The following NTM variants were observed in gnomAD, a reference collection of about 807,000 sequenced individuals.
NTM encodes neurotrimin, also known as IgLON family member 2.
In NTM, 13 loss-of-function variants were observed where a neutral mutation model predicts 42.1. The observed-to-expected ratio is 0.31, with a 90% CI of 0.20 to 0.49. NTM has a LOEUF of 0.49. Ranked by LOEUF, NTM falls within the 20% of genes least tolerant of loss-of-function variation. NTM has a pLI of 0.99. For synonymous variants in NTM, 187 were observed against 179.2 expected (o/e 1.04, Z -0.35); for missense variants, 373 against 452.8 (o/e 0.82, Z 1.60).
chr11:132,102,192 A>G (rs2061704971), intron 2 of NTM, among the ~76,000 whole-genome samples: 2 of 152,238 alleles, frequency 1.3e-5, no homozygotes, highest in Admixed American at 6.5e-5. Context: ...CTCCCAAAGT[A>G]TCCGAACTAT....
At chr11:132,031,794 A>G (rs1268324451) in intron 2 of NTM, among the ~76,000 whole-genome samples, 1 of 152,126 alleles carries the variant, frequency 6.6e-6, no homozygotes, top group Non-Finnish European at 1.5e-5. Flanking sequence ...CATGTCTTGG[A>G]TGTTGAAAAT....
At chr11:132,244,933 T>C (rs2090853224) in intron 4 of NTM, among the ~76,000 whole-genome samples, 1 of 152,162 alleles carries the variant, frequency 6.6e-6, no homozygotes, top group African/African-American at 2.4e-5. Flanking sequence ...GTTTCATTAT[T>C]AATATACTTC....
intron 1 of NTM, among the ~76,000 whole-genome samples, chr11:131,431,554 C>T (rs1016743652): frequency 2.6e-5 from 4 of 152,200 alleles, no homozygotes; most frequent in East Asian, 1.9e-4. Flanking sequence ...ACCTGCTTCC[C>T]TCCACAAGGA....
chr11:131,931,162 C>T (rs1374426175), intron 2 of NTM, among the ~76,000 whole-genome samples: 2 of 151,952 alleles, frequency 1.3e-5, no homozygotes, highest in Admixed American at 6.6e-5. Context: ...AAAATAGGTT[C>T]CTAGGCCAGG....
At chr11:131,799,396 A>G (rs1477686874) in intron 1 of NTM, among the ~76,000 whole-genome samples, 8 of 152,224 alleles carry the variant, frequency 5.3e-5, no homozygotes, top group Non-Finnish European at 1.0e-4. Flanking sequence ...CATTGAATCA[A>G]GAAGGCATAT....
chr11:131,507,687 G>A (rs1316916644), intron 1 of NTM, among the ~76,000 whole-genome samples: 6 of 147,896 alleles, frequency 4.1e-5, no homozygotes, highest in Non-Finnish European at 7.4e-5. Flanking sequence ...TCCTACCCAT[G>A]AGCATGGAAT....
intron 1 of NTM, among the ~76,000 whole-genome samples, chr11:131,691,657 T>C (rs533134395): frequency 1.3e-5 from 2 of 152,090 alleles, no homozygotes; most frequent in South Asian, 4.1e-4. Flanking sequence ...CGGGTAAAGA[T>C]GGCAACCCCA....
chr11:132,018,422 T>G (rs1386864938), intron 2 of NTM, among the ~76,000 whole-genome samples: 1 of 152,050 alleles, frequency 6.6e-6, no homozygotes, highest in South Asian at 2.1e-4. Context: ...AAATTTTTAT[T>G]GTTCATTTTA....
intron 1 of NTM, among the ~76,000 whole-genome samples, chr11:131,397,093 T>C (rs1303261274): frequency 1.3e-5 from 2 of 152,212 alleles, no homozygotes; most frequent in Non-Finnish European, 2.9e-5. Flanking sequence ...ATTTTTCTTG[T>C]CTTGTCAAGT....
At chr11:131,513,955 C>T (rs573805707) in intron 1 of NTM, among the ~76,000 whole-genome samples, 33 of 152,114 alleles carry the variant, frequency 2.2e-4, no homozygotes, top group Non-Finnish European at 1.9e-4. Flanking sequence ...CTGACAGAAG[C>T]ATGCTCTGTG....
chr11:132,142,596 C>G (rs772252944), intron 2 of NTM, among the ~76,000 whole-genome samples: 7 of 152,150 alleles, frequency 4.6e-5, no homozygotes, highest in Admixed American at 2.0e-4. Flanking sequence ...ACAGAGTTGG[C>G]TGCCGAGGTA....
intron 1 of NTM, among the ~76,000 whole-genome samples, chr11:131,531,311 T>C (rs1206314418): frequency 1.3e-5 from 2 of 152,068 alleles, no homozygotes; most frequent in Non-Finnish European, 2.9e-5. Context: ...GCTAATTTTT[T>C]TTGGGGGGGA....
intron 3 of NTM, among the ~76,000 whole-genome samples, chr11:132,160,085 T>C (rs551551374): frequency 6.6e-6 from 1 of 152,334 alleles, no homozygotes; most frequent in South Asian, 2.1e-4. Context: ...CACCTTGTTT[T>C]TCTAAAGAGT....
At chr11:132,036,185 G>T (rs1024670625) in intron 2 of NTM, among the ~76,000 whole-genome samples, 1 of 152,128 alleles carries the variant, frequency 6.6e-6, no homozygotes, top group Admixed American at 6.5e-5. Flanking sequence ...TAGGGAGGAA[G>T]GACAGAAACG....
In NTM at chr11:131,432,839, C is replaced by CTTTTTTT. The variant is rs377739708; in HGVS notation, c.82+61977_82+61983dup. 1.0e-3 allele frequency among the ~76,000 whole-genome samples: 72 copies of CTTTTTTT among 68,702 alleles called. 2 individuals are homozygous for CTTTTTTT. Among genetic ancestry groups the CTTTTTTT allele is most frequent in the Non-Finnish European group, 1.2e-3 (46 of 38,810 alleles). 45.1% of individuals were successfully genotyped at this position (68,702 alleles called of 152,430 possible). On this transcript the variant is annotated intron_variant, in intron 1 of 8. Transcript: ENST00000683400. The stretch of plus-strand genomic sequence containing the variant: ...CTACAAAAGATGAAGATTTAGCATT[C>CTTTTTTT]TTTTTTTTTTTTTTTTTTTTTTTTT...
At chr11:132,256,564 CT>C (rs2092485062) in intron 4 of NTM, among the ~76,000 whole-genome samples, 1 of 152,134 alleles carries the variant, frequency 6.6e-6, no homozygotes, top group Non-Finnish European at 1.5e-5. Flanking sequence ...TCTCCAGGTC[CT>C]TTTTCCACCA....
chr11:132,182,736 T>C (rs529032531), intron 3 of NTM, among the ~76,000 whole-genome samples: 11 of 152,296 alleles, frequency 7.2e-5, no homozygotes, highest in African/African-American at 2.6e-4. Context: ...CCTTGGATGG[T>C]CCTCATTTCC....
chr11:132,087,400 G>C (rs555945616), intron 2 of NTM, among the ~76,000 whole-genome samples: 3 of 152,278 alleles, frequency 2.0e-5, no homozygotes, highest in African/African-American at 7.2e-5. Context: ...CCTACATTGT[G>C]CCTTTTAACT....
intron 2 of NTM, among the ~76,000 whole-genome samples, chr11:132,026,918 TC>T (rs2075266652): frequency 6.6e-6 from 1 of 152,222 alleles, no homozygotes; most frequent in South Asian, 2.1e-4. Flanking sequence ...ATCCTCATGT[TC>T]CTTCTGTCCT....
Sources: allele counts gnomAD v4.1 joint callset (sites outside exome capture counted in the v4.1 genomes callset), GRCh38; gene constraint gnomAD v4.1.1; transcripts MANE v1.5; gene names NCBI Gene and HGNC (gene_info 2026-07-23, HGNC 2026-07-21).